ROBO2: variants seen among roughly 807,000 people sequenced by gnomAD.
ROBO2 encodes the protein roundabout homolog 2.
In ROBO2, 53 loss-of-function variants were observed where a neutral mutation model predicts 160.8. The ratio of observed to expected loss-of-function variants is 0.33; its 90% CI spans 0.26 to 0.41. ROBO2 has a LOEUF of 0.41. Ranked by LOEUF, ROBO2 falls within the 10% of genes least tolerant of loss-of-function variation. ROBO2 has a pLI of 1.00. For missense variants in ROBO2, 1,577 were observed against 1,722.4 expected, an observed-to-expected ratio of 0.92 and a Z score of 1.49; for synonymous variants, 664 against 611.7, an observed-to-expected ratio of 1.09 and a Z score of -1.26.
At chr3:77,016,289 T>C (rs558242011) in intron 2 of ROBO2, among the ~76,000 whole-genome samples, 2 of 152,320 alleles carry the variant, frequency 1.3e-5, no homozygotes, top group African/African-American at 4.8e-5. Flanking sequence ...TATGTTATTT[T>C]GTACGACTGA....
intron 7 of ROBO2, among the ~76,000 whole-genome samples, chr3:77,550,101 A>G (rs1382742010): frequency 1.3e-5 from 2 of 152,074 alleles, no homozygotes; most frequent in Non-Finnish European, 2.9e-5. Context: ...ATATGTATAT[A>G]TGAGATATAG....
chr3:77,462,390 G>GA (rs1448366095), intron 2 of ROBO2, among the ~76,000 whole-genome samples: 2 of 151,970 alleles, frequency 1.3e-5, no homozygotes, highest in African/African-American at 4.8e-5. Flanking sequence ...GTCTATCTTT[G>GA]AAAAAAACTC....
intron 2 of ROBO2, among the ~76,000 whole-genome samples, chr3:76,767,857 A>C (rs1207597195): frequency 1.3e-5 from 2 of 151,500 alleles, no homozygotes; most frequent in African/African-American, 2.4e-5. Flanking sequence ...CAAAAACATA[A>C]ATTTTAATTC....
intron 2 of ROBO2, among the ~76,000 whole-genome samples, chr3:76,098,861 T>A (rs550643668): frequency 3.0e-4 from 46 of 152,258 alleles, no homozygotes; most frequent in African/African-American, 1.0e-3. Flanking sequence ...AGCTATTGCA[T>A]ATACCTCTTT....
chr3:76,603,276 G>A (rs891115379), intron 2 of ROBO2, among the ~76,000 whole-genome samples: 1 of 143,012 alleles, frequency 7.0e-6, no homozygotes, highest in South Asian at 2.2e-4. Context: ...AGCTTGCAGT[G>A]AGCCAAGATT....
intron 15 of ROBO2, 39 bp downstream of exon 16, chr3:77,577,653 G>A (rs376483384): frequency 6.2e-7 from 1 of 1,611,386 alleles, no homozygotes; most frequent in South Asian, 1.1e-5. Context: ...TCATGTAAAG[G>A]TTCCCAGAGA....
At position 77,425,154 on chromosome 3, in the gene ROBO2, C is replaced by T. The variant is rs547185787; in HGVS notation, c.389-52260C>T. Among the ~76,000 whole-genome samples the T allele has an allele frequency of 2.1e-3, 304 of 148,264 alleles. 4 individuals are homozygous for T. Among genetic ancestry groups the T allele is most frequent in the Middle Eastern group, 3.6e-3 (1 of 280 alleles). On this transcript the variant is annotated intron_variant, in intron 2 of 25. Coordinates refer to ENST00000461745, the Ensembl canonical transcript of ROBO2. ...AGAATCATCTGTTGAGTTCTCACTA[C>T]GTGCCCAGCAGTGTGCTAGTTGTCA...
At chr3:77,400,280 A>G (rs1276661842) in intron 2 of ROBO2, among the ~76,000 whole-genome samples, 3 of 152,196 alleles carry the variant, frequency 2.0e-5, no homozygotes, top group Non-Finnish European at 4.4e-5. Context: ...GTGAATTCTA[A>G]TCAGACAAAC....
At chr3:76,533,104 C>T (rs1024815150) in intron 2 of ROBO2, among the ~76,000 whole-genome samples, 1 of 152,184 alleles carries the variant, frequency 6.6e-6, no homozygotes, top group African/African-American at 2.4e-5. Context: ...TAATGAATTT[C>T]CAGGCTTTTA....
intron 2 of ROBO2, among the ~76,000 whole-genome samples, chr3:76,783,947 T>A (rs1161658652): frequency 1.3e-5 from 2 of 151,134 alleles, no homozygotes; most frequent in Non-Finnish European, 3.0e-5. Flanking sequence ...TTGGATCATT[T>A]CAAATTATCT....
intron 1 of ROBO2, among the ~76,000 whole-genome samples, chr3:75,924,642 T>C (rs1029255212): frequency 2.0e-5 from 3 of 151,492 alleles, no homozygotes; most frequent in Non-Finnish European, 4.4e-5. Context: ...TAGAGTTAAA[T>C]TGGATATTCT....
chr3:76,323,313 A>G (rs2072736156), intron 2 of ROBO2, among the ~76,000 whole-genome samples: 1 of 152,126 alleles, frequency 6.6e-6, no homozygotes. Context: ...AAACTCAAAT[A>G]GCCAAATCTG....
chr3:76,233,334 G>A (rs1704736673), intron 2 of ROBO2, among the ~76,000 whole-genome samples: 1 of 151,968 alleles, frequency 6.6e-6, no homozygotes, highest in African/African-American at 2.4e-5. Flanking sequence ...AGTAGAGATG[G>A]GGTTTCACCA....
chr3:76,429,187 C>CACACAT (rs2076338486), intron 2 of ROBO2, among the ~76,000 whole-genome samples: 1 of 151,302 alleles, frequency 6.6e-6, no homozygotes, highest in African/African-American at 2.4e-5. Flanking sequence ...CACACACACA[C>CACACAT]ACACACCCAC....
intron 2 of ROBO2, among the ~76,000 whole-genome samples, chr3:76,678,106 G>A (rs2092460516): frequency 1.3e-5 from 2 of 151,312 alleles, no homozygotes; most frequent in Admixed American, 6.6e-5. Flanking sequence ...GAATAGCTGG[G>A]ATTACAGGCA....
chr3:77,563,479 C>T, intron 11 of ROBO2, 150 bp downstream of exon 12: 1 of 821,214 alleles, frequency 1.2e-6, no homozygotes, highest in Non-Finnish European at 1.9e-6. Flanking sequence ...TATTCAAGAA[C>T]AGAGTTAATT....
At chr3:76,175,593 T>C (rs144671285) in intron 2 of ROBO2, among the ~76,000 whole-genome samples, 1 of 152,170 alleles carries the variant, frequency 6.6e-6, no homozygotes, top group African/African-American at 2.4e-5. Context: ...TTCTACACCA[T>C]ATGTCTGTAA....
chr3:77,326,136 G>T (rs1003179387), intron 2 of ROBO2, among the ~76,000 whole-genome samples: 1 of 152,128 alleles, frequency 6.6e-6, no homozygotes, highest in Admixed American at 6.6e-5. Flanking sequence ...AGCTTTTCTG[G>T]AGTAACCGTG....
intron 2 of ROBO2, among the ~76,000 whole-genome samples, chr3:77,424,799 G>C (rs1208940791): frequency 1.3e-5 from 2 of 152,140 alleles, no homozygotes; most frequent in African/African-American, 2.4e-5. Flanking sequence ...TTGGAGGGGA[G>C]AGTTGGAGGA....
Sources: gnomAD v4.1 joint callset for allele counts (sites outside exome capture counted in the v4.1 genomes callset) on GRCh38, gnomAD v4.1.1 for gene constraint, MANE v1.5 for transcripts, NCBI Gene and HGNC (gene_info 2026-07-23, HGNC 2026-07-21) for gene names.